Variants in HIVEP3 observed in about 807,000 individuals in gnomAD.
The protein encoded by HIVEP3 is transcription factor HIVEP3.
Under a neutral mutation model 152.8 loss-of-function variants are expected in HIVEP3, and 49 were observed. The observed-to-expected ratio is 0.32, with a 90% CI of 0.26 to 0.41. The LOEUF is 0.41. Ranked by LOEUF, HIVEP3 falls within the 10% of genes least tolerant of loss-of-function variation. HIVEP3 has a pLI of 1.00. For missense variants in HIVEP3, 2,790 were observed against 3,103.3 expected, an observed-to-expected ratio of 0.90 and a Z score of 2.40; for synonymous variants, 1,269 against 1,289.0, an observed-to-expected ratio of 0.98 and a Z score of 0.33.
At position 41,533,231 on chromosome 1, in the gene HIVEP3, C is replaced by G. The variant is rs537731281; in HGVS notation, c.5208-8321G>C. ...GGACAGGCCTATGGCAGCTGTCTAT[C>G]AGTGTGGACCTCCCCAAGCCTGAGG... On this transcript the variant is annotated intron_variant, in intron 5 of 8. Coordinates refer to ENST00000372583, the MANE Select transcript of HIVEP3 (RefSeq NM_024503.5). The surrounding 1 kb of genome is among the most constrained non-coding windows in gnomAD (Gnocchi z 4.3). 2.0e-5 allele frequency among the ~76,000 whole-genome samples: 3 copies of G among 152,300 alleles called. No individual in the cohort carries two copies. The highest frequency in any genetic ancestry group is 4.1e-4 in the South Asian group (2 of 4,830).
chr1:41,582,345 A>G lies in HIVEP3; in HGVS notation c.2453T>C (p.Leu818Ser), dbSNP rs776476557. 6.2e-7 allele frequency: 1 copy of G among 1,614,120 alleles called. No individual in the cohort carries two copies. The highest frequency in any genetic ancestry group is 8.5e-7 in the Non-Finnish European group (1 of 1,179,986). ...KSDSLEQPSG[L>S]EGEDKPLAQF... The stretch of plus-strand genomic sequence containing the variant: ...GGCCAGAGGTTTGTCTTCCCCTTCC[A>G]AGCCACTCGGCTGCTCGAGAGAATC... The change falls in exon 4 of 9, where the codon TTG becomes TCG. Residue 818 changes from leucine to serine, a missense_variant. Leu to Ser is a moderately radical substitution (Grantham distance 145). Coordinates refer to ENST00000372583, the MANE Select transcript of HIVEP3 (RefSeq NM_024503.5). The surrounding 1 kb of genome is among the most constrained non-coding windows in gnomAD (Gnocchi z 4.7).
intron 5 of HIVEP3, among the ~76,000 whole-genome samples, chr1:41,525,604 C>A (rs1298537308): frequency 6.6e-6 from 1 of 152,236 alleles, no homozygotes; most frequent in Admixed American, 6.5e-5. Context: ...AGCTCTCCCC[C>A]TCACCTGCAC....
At chr1:41,805,197 C>T (rs1410970306) in intron 1 of HIVEP3, among the ~76,000 whole-genome samples, 2 of 152,136 alleles carry the variant, frequency 1.3e-5, no homozygotes, top group Admixed American at 1.3e-4. Flanking sequence ...ATTAGCCAAG[C>T]TTGGTGGTGC....
chr1:41,626,393 G>A (rs373344041), intron 3 of HIVEP3, among the ~76,000 whole-genome samples: 9 of 152,274 alleles, frequency 5.9e-5, no homozygotes, highest in East Asian at 5.8e-4. Flanking sequence ...CAGGTTTCTC[G>A]CTGGAACTGA....
rs975895105 is a variant in HIVEP3, at chr1:41,582,894, C to T, written c.1904G>A (p.Gly635Asp). Residue 635 changes from glycine to aspartate, a missense_variant, in exon 4 of 9, where the codon GGT (glycine) becomes GAT (aspartate). Around this residue, in one of 9 missense-constraint regions of HIVEP3, gnomAD observed 339 missense variants for 327.0 expected, o/e 1.04. Transcript: ENST00000372583. This position sits in a 1 kb window ranked among gnomAD's most constrained non-coding sequence, Gnocchi z 4.7. ...ESELTKKTKKGLKTKGVIYEC... is the reference protein window; with the variant it reads ...ESELTKKTKKDLKTKGVIYEC... The stretch of plus-strand genomic sequence containing the variant: ...GTAGATCACCCCTTTTGTTTTCAAA[C>T]CCTTCTTGGTCTTTTTGGTAAGCTC... 3 of 1,614,054 alleles carry T rather than the reference C, an allele frequency of 1.9e-6. No individual in the cohort carries two copies. The highest frequency in any genetic ancestry group is 2.7e-5 in the African/African-American group (2 of 74,910).
rs80037413 is a variant in HIVEP3 at position 41,836,040 on chromosome 1, G to A, written c.-801+82373C>T. Among the ~76,000 whole-genome samples the A allele has an allele frequency of 2.2e-3, 328 of 152,296 alleles. 1 individual carries two copies. The highest frequency in any genetic ancestry group is 7.5e-3 in the African/African-American group (313 of 41,558). ...GTGAACAGGACAGTCCATGAACCCT[G>A]TGGCTGCTATGTCTTCAGAGATTAC... On this transcript the variant is annotated intron_variant, in intron 1 of 8. Transcript: ENST00000372583.
chr1:41,976,243 G>A (rs912001020), intron 1 of HIVEP3, among the ~76,000 whole-genome samples: 1 of 152,168 alleles, frequency 6.6e-6, no homozygotes, highest in Non-Finnish European at 1.5e-5. Context: ...CGTTTGTGGC[G>A]TCATTCATTA....
At chr1:41,953,289 G>GAGTTCA (rs1159607511) in intron 1 of HIVEP3, among the ~76,000 whole-genome samples, 1 of 152,202 alleles carries the variant, frequency 6.6e-6, no homozygotes, top group Non-Finnish European at 1.5e-5. Context: ...ACTGACTCTG[G>GAGTTCA]AGTCAGACTG....
chr1:41,595,810 C>T (rs1156301296), intron 3 of HIVEP3, among the ~76,000 whole-genome samples: 2 of 152,194 alleles, frequency 1.3e-5, no homozygotes, highest in Non-Finnish European at 2.9e-5. Context: ...CTTTCTCCTG[C>T]ACTGGATGCT....
intron 7 of HIVEP3, among the ~76,000 whole-genome samples, chr1:41,514,240 C>T (rs990187087): frequency 2.6e-5 from 4 of 152,154 alleles, no homozygotes; most frequent in South Asian, 2.1e-4. Flanking sequence ...GCTTGGTCTC[C>T]CCCTTTGTCG....
At chr1:41,769,916 A>T (rs1334695586) in intron 1 of HIVEP3, among the ~76,000 whole-genome samples, 1 of 152,236 alleles carries the variant, frequency 6.6e-6, no homozygotes, top group Non-Finnish European at 1.5e-5. Flanking sequence ...TACCACAGTA[A>T]AAATGGCAGC....
intron 1 of HIVEP3, among the ~76,000 whole-genome samples, chr1:41,999,254 T>C (rs150117713): frequency 5.7e-4 from 87 of 152,138 alleles, no homozygotes; most frequent in African/African-American, 2.1e-3. Flanking sequence ...GTAGAAAATA[T>C]AAACCAACTA....
At chr1:41,770,497 G>A (rs886990566) in intron 1 of HIVEP3, among the ~76,000 whole-genome samples, 1 of 152,124 alleles carries the variant, frequency 6.6e-6, no homozygotes, top group African/African-American at 2.4e-5. Context: ...AATGAACCCG[G>A]CAGATACCAC....
At chr1:41,682,151 C>T (rs1646049524) in intron 2 of HIVEP3, among the ~76,000 whole-genome samples, 1 of 152,288 alleles carries the variant, frequency 6.6e-6, no homozygotes, top group Non-Finnish European at 1.5e-5. Context: ...CAGCTGAGGC[C>T]ACATCTTCTG....
chr1:41,732,136 T>C (rs1342816276), intron 1 of HIVEP3, among the ~76,000 whole-genome samples: 2 of 152,012 alleles, frequency 1.3e-5, no homozygotes, highest in Non-Finnish European at 2.9e-5. Context: ...GGCTAGACTA[T>C]GTGGGGAAGA....
At chr1:41,778,790 G>A (rs1263717900) in intron 1 of HIVEP3, among the ~76,000 whole-genome samples, 1 of 152,164 alleles carries the variant, frequency 6.6e-6, no homozygotes, top group Non-Finnish European at 1.5e-5. Flanking sequence ...TAAGTGGTAA[G>A]AAGAAAATAC....
intron 3 of HIVEP3, among the ~76,000 whole-genome samples, chr1:41,622,631 T>G (rs2149142982): frequency 6.6e-6 from 1 of 152,352 alleles, no homozygotes; most frequent in Non-Finnish European, 1.5e-5. Flanking sequence ...AAATACTATC[T>G]GGCCATTCAG....
rs1054567998 is a variant in HIVEP3, at chr1:41,712,068, A to C, written c.-800-11073T>G. ...TAGGATGATTACCCTCTCAGTGTAC[A>C]AATGGGGAAACTGAGGTCCGGGGAG... On this transcript the variant is annotated intron_variant, in intron 1 of 8. Coordinates refer to ENST00000372583, the MANE Select transcript of HIVEP3 (RefSeq NM_024503.5). Among the ~76,000 whole-genome samples, 5 of 152,218 alleles carry C rather than the reference A, an allele frequency of 3.3e-5. No individual in the cohort carries two copies. In the South Asian group the frequency reaches 1.0e-3, roughly 31 times the overall value.
At position 41,708,164 on chromosome 1, in the gene HIVEP3, G is replaced by C. The variant is rs1164455861; in HGVS notation, c.-800-7169C>G. ...CATTAGGGAGGGACTACCTTTGTGG[G>C]GACCTGAGAGAGTGCTTCATGTACC... On this transcript the variant is annotated intron_variant, in intron 1 of 8. Coordinates refer to ENST00000372583, the MANE Select transcript of HIVEP3 (RefSeq NM_024503.5). Among the ~76,000 whole-genome samples, 3 of 152,264 alleles carry C rather than the reference G, an allele frequency of 2.0e-5. No individual in the cohort carries two copies. In the East Asian group the frequency reaches 5.8e-4, roughly 29 times the overall value.
Sources: gnomAD v4.1 joint callset for allele counts (sites outside exome capture counted in the v4.1 genomes callset) on GRCh38, gnomAD v4.1.1 for gene constraint, gnomAD v4.1.1 regional missense constraint, Gnocchi (gnomAD v3.1) non-coding constraint, MANE v1.5 for transcripts, NCBI Gene and HGNC (gene_info 2026-07-23, HGNC 2026-07-21) for gene names.